Variants in IQGAP2 observed in about 807,000 individuals in gnomAD.
The protein encoded by IQGAP2 is IQ motif containing GTPase activating protein 2.
IQGAP2 carries 173 observed loss-of-function variants against 201.3 expected under a neutral mutation model. That is an observed-to-expected ratio of 0.86 (90% CI 0.76 to 0.98). The LOEUF is 0.98. IQGAP2 is among the 50% of genes least tolerant of loss of function. The pLI is 0.00. For missense variants in IQGAP2, 1,687 were observed against 1,864.8 expected (o/e 0.90, Z 1.76); for synonymous variants, 675 against 673.9 (o/e 1.00, Z -0.03).
In IQGAP2 at chr5:76,674,611, G is replaced by C. The variant is rs771616801; in HGVS notation, c.3429G>C (p.Lys1143Asn). ...DQRRNLGSVAKVLQHAASNKL... is the reference protein window; with the variant it reads ...DQRRNLGSVANVLQHAASNKL... ...GGAGAAACTTAGGATCAGTGGCCAAGGTTCTTCAGCACGCAGCCTCCAACA... is the reference window on the plus strand; with the variant it reads ...GGAGAAACTTAGGATCAGTGGCCAACGTTCTTCAGCACGCAGCCTCCAACA... The change falls in exon 27 of 36, where the codon AAG becomes AAC. Residue 1143 changes from lysine (K) to asparagine (N), a missense_variant. Coordinates refer to ENST00000274364, the MANE Select transcript of IQGAP2 (RefSeq NM_006633.5). 1 of 1,614,006 alleles carries C rather than the reference G, an allele frequency of 6.2e-7. No individual in the cohort carries two copies. Among genetic ancestry groups the C allele is most frequent in the African/African-American group, 1.3e-5 (1 of 74,914 alleles).
chr5:76,410,345 T>C (rs1431429652), intron 1 of IQGAP2, among the ~76,000 whole-genome samples: 3 of 152,192 alleles, frequency 2.0e-5, no homozygotes, highest in Non-Finnish European at 4.4e-5. Context: ...GGAGCTGTCC[T>C]GAGGAGAGTC....
At chr5:76,570,142 A>G (rs2150269623) in intron 3 of IQGAP2, among the ~76,000 whole-genome samples, 1 of 152,252 alleles carries the variant, frequency 6.6e-6, no homozygotes, top group South Asian at 2.1e-4. Context: ...GAAATATTCT[A>G]TTCATGATTA....
At chr5:76,618,728 T>C in intron 13 of IQGAP2, 1 of 1,184,194 alleles carries the variant, frequency 8.4e-7, no homozygotes, top group Non-Finnish European at 1.2e-6. Context: ...ATTTCTGTGA[T>C]TGTAGAATTT....
At chr5:76,696,206 T>C (rs1177756417) in intron 32 of IQGAP2, among the ~76,000 whole-genome samples, 1 of 152,232 alleles carries the variant, frequency 6.6e-6, no homozygotes, top group Non-Finnish European at 1.5e-5. Context: ...GTTTGGTCTA[T>C]ACCTTTAAAG....
chr5:76,643,875 G>A (rs924533034), intron 17 of IQGAP2, among the ~76,000 whole-genome samples: 1 of 152,004 alleles, frequency 6.6e-6, no homozygotes, highest in African/African-American at 2.4e-5. Flanking sequence ...TGGGAGAGTC[G>A]GTCCTCAGTT....
intron 28 of IQGAP2, among the ~76,000 whole-genome samples, chr5:76,680,658 G>A (rs1745197832): frequency 6.6e-6 from 1 of 151,376 alleles, no homozygotes; most frequent in Admixed American, 6.6e-5. Context: ...GGGTGTAGTG[G>A]TGCATGCCTG....
chr5:76,650,771 G>T (rs759678510), intron 17 of IQGAP2, among the ~76,000 whole-genome samples: 1 of 151,948 alleles, frequency 6.6e-6, no homozygotes, highest in African/African-American at 2.4e-5. Flanking sequence ...ATCCCTCCCC[G>T]CTCCCTTACT....
chr5:76,638,816 A>C lies in IQGAP2; in HGVS notation c.1923+1640A>C, dbSNP rs367647978. Among the ~76,000 whole-genome samples, 134 of 152,340 alleles carry C rather than the reference A, an allele frequency of 8.8e-4. 1 individual carries two copies. Among genetic ancestry groups the C allele is most frequent in the African/African-American group, 3.0e-3 (123 of 41,586 alleles). Reference sequence around the variant, plus strand: ...TGGTGAGGCTTTCCTGAAACAAAAGACTTAGCTATAAACAGGTAGTGAGGT... The same window carrying C: ...TGGTGAGGCTTTCCTGAAACAAAAGCCTTAGCTATAAACAGGTAGTGAGGT... On this transcript the variant is annotated intron_variant, in intron 16 of 35. Transcript: ENST00000274364.
intron 19 of IQGAP2, among the ~76,000 whole-genome samples, chr5:76,654,640 G>C (rs1752767999): frequency 6.6e-6 from 1 of 152,228 alleles, no homozygotes; most frequent in African/African-American, 2.4e-5. Flanking sequence ...ATTTAAAGAA[G>C]AGATATGGGA....
intron 11 of IQGAP2, among the ~76,000 whole-genome samples, chr5:76,601,571 A>T (rs76470382): frequency 6.6e-6 from 1 of 152,246 alleles, no homozygotes; most frequent in Non-Finnish European, 1.5e-5. Context: ...GAGAAAATCA[A>T]ATGGCCAGAA....
intron 2 of IQGAP2, among the ~76,000 whole-genome samples, chr5:76,559,061 C>T (rs1580455413): frequency 6.6e-6 from 1 of 152,228 alleles, no homozygotes; most frequent in East Asian, 1.9e-4. Flanking sequence ...CCACCACGAC[C>T]GGCTAATTTT....
chr5:76,631,196 A>G (rs796758336), intron 14 of IQGAP2, among the ~76,000 whole-genome samples: 13 of 152,210 alleles, frequency 8.5e-5, no homozygotes, highest in African/African-American at 3.1e-4. Context: ...TCTTACCTGG[A>G]ATTAAGGTGG....
intron 1 of IQGAP2, among the ~76,000 whole-genome samples, chr5:76,439,296 T>C (rs1359079250): frequency 1.3e-5 from 2 of 152,212 alleles, no homozygotes; most frequent in African/African-American, 4.8e-5. Context: ...TTTCATGTGT[T>C]GAGAAGAATG....
At chr5:76,475,135 G>T (rs1397166899) in intron 2 of IQGAP2, among the ~76,000 whole-genome samples, 1 of 152,148 alleles carries the variant, frequency 6.6e-6, no homozygotes. Flanking sequence ...AAAAGGAACA[G>T]AGGATACCCC....
chr5:76,618,476 A>G (rs548589144), intron 13 of IQGAP2: 3 of 1,614,128 alleles, frequency 1.9e-6, no homozygotes, highest in African/African-American at 1.3e-5. Context: ...TCACATGGAG[A>G]TGTGAAGCAC....
At chr5:76,592,783 A>C in intron 8 of IQGAP2, 55 bp from the exon 9 acceptor site, 1 of 1,138,098 alleles carries the variant, frequency 8.8e-7, no homozygotes, top group Non-Finnish European at 1.3e-6. Flanking sequence ...TTGAATTTCG[A>C]GTTTTGGAAA....
intron 2 of IQGAP2, among the ~76,000 whole-genome samples, chr5:76,469,223 G>A (rs913979174): frequency 2.6e-5 from 4 of 152,096 alleles, no homozygotes; most frequent in South Asian, 4.1e-4. Flanking sequence ...TTAATAAGCC[G>A]TGATACCACA....
chr5:76,680,621 C>T (rs1043739682), intron 28 of IQGAP2, among the ~76,000 whole-genome samples: 4 of 147,740 alleles, frequency 2.7e-5, no homozygotes, highest in East Asian at 2.0e-4. Flanking sequence ...AGGAGTTCGT[C>T]GACAAAATAG....
At chr5:76,459,832 G>T (rs1041049188) in intron 1 of IQGAP2, among the ~76,000 whole-genome samples, 2 of 152,036 alleles carry the variant, frequency 1.3e-5, no homozygotes, top group African/African-American at 4.8e-5. Context: ...GTAGAGATGG[G>T]ATTTCACCAT....
Sources: gnomAD v4.1 joint callset for allele counts (sites outside exome capture counted in the v4.1 genomes callset) on GRCh38, gnomAD v4.1.1 for gene constraint, MANE v1.5 for transcripts, NCBI Gene and HGNC (gene_info 2026-07-23, HGNC 2026-07-21) for gene names.